Variants in CACNA1C observed in about 807,000 individuals in gnomAD.
CACNA1C encodes voltage-dependent L-type calcium channel subunit alpha-1C.
A neutral mutation model predicts 229.0 loss-of-function variants in CACNA1C; 30 were observed. The observed-to-expected ratio is 0.13, with a 90% confidence interval of 0.10 to 0.18. CACNA1C has a LOEUF of 0.18. Ranked by LOEUF, CACNA1C falls within the 10% of genes least tolerant of loss-of-function variation. The pLI is 1.00. For synonymous variants in CACNA1C, 1,114 were observed against 1,132.5 expected (o/e 0.98, Z 0.33); for missense variants, 1,658 against 2,845.0 (o/e 0.58, Z 9.49).
intron 3 of CACNA1C, among the ~76,000 whole-genome samples, chr12:2,207,830 A>G (rs2097794124): frequency 7.6e-6 from 1 of 132,310 alleles, no homozygotes; most frequent in Non-Finnish European, 1.7e-5. Context: ...CAAAAACAAA[A>G]CAAACAAAAA....
chr12:2,113,441 G>C (rs1182622026), intron 1 of CACNA1C, among the ~76,000 whole-genome samples: 1 of 152,178 alleles, frequency 6.6e-6, no homozygotes, highest in Non-Finnish European at 1.5e-5. Flanking sequence ...GTGTTCATCT[G>C]TGTCTTAACA....
At chr12:2,380,225 G>A (rs945479476) in intron 3 of CACNA1C, among the ~76,000 whole-genome samples, 19 of 152,188 alleles carry the variant, frequency 1.2e-4, no homozygotes, top group South Asian at 8.3e-4. Context: ...GACAGATGTC[G>A]TCCTGGTGTG....
chr12:2,304,234 G>A lies in CACNA1C; in HGVS notation c.478-144742G>A, dbSNP rs374489366. Reference sequence around the variant, plus strand: ...GATTCCAGTGGGCTGCCAGCCGGGCGTGTGTGTGAGGCGAGGTGGAGGGCT... The same window carrying A: ...GATTCCAGTGGGCTGCCAGCCGGGCATGTGTGTGAGGCGAGGTGGAGGGCT... On this transcript the variant is annotated intron_variant, in intron 3 of 46. Coordinates refer to ENST00000399655, the MANE Select transcript of CACNA1C (RefSeq NM_000719.7). Among the ~76,000 whole-genome samples the A allele has an allele frequency of 2.8e-3, 419 of 152,242 alleles. 1 individual carries two copies. Among genetic ancestry groups the A allele is most frequent in the African/African-American group, 9.7e-3 (401 of 41,554 alleles).
chr12:2,124,142 G>A (rs2154155233), intron 3 of CACNA1C, among the ~76,000 whole-genome samples: 1 of 134,266 alleles, frequency 7.4e-6, no homozygotes, highest in South Asian at 2.3e-4. Flanking sequence ...GTGTGTGTGT[G>A]TGTGTGTGCA....
At chr12:2,228,270 T>C (rs1286449688) in intron 3 of CACNA1C, among the ~76,000 whole-genome samples, 1 of 152,216 alleles carries the variant, frequency 6.6e-6, no homozygotes, top group Non-Finnish European at 1.5e-5. Context: ...TACTGTGTAT[T>C]AGGCCCTGTT....
Position 2,416,051 on chromosome 12 carries a change from C to G in CACNA1C, c.478-32925C>G, listed in dbSNP as rs182436099. Reference sequence around the variant, plus strand: ...AGGGTGTGGGGGCGGGACCTCTTCACGTGTATCCTCAAGCTGGTCCCTTCT... The same window carrying G: ...AGGGTGTGGGGGCGGGACCTCTTCAGGTGTATCCTCAAGCTGGTCCCTTCT... On this transcript the variant is annotated intron_variant, in intron 3 of 46. Transcript: ENST00000399655. 2.8e-3 allele frequency among the ~76,000 whole-genome samples: 423 copies of G among 152,262 alleles called. 5 individuals are homozygous for G. The highest frequency in any genetic ancestry group is 6.0e-3 in the African/African-American group (250 of 41,572).
chr12:2,142,180 C>G (rs1406637428), intron 3 of CACNA1C, among the ~76,000 whole-genome samples: 1 of 151,212 alleles, frequency 6.6e-6, no homozygotes, highest in African/African-American at 2.4e-5. Context: ...CACCATCTCC[C>G]AAGGACCGTG....
intron 1 of CACNA1C, among the ~76,000 whole-genome samples, chr12:2,080,696 G>A (rs2065252202): frequency 6.6e-6 from 1 of 151,946 alleles, no homozygotes; most frequent in South Asian, 2.1e-4. Flanking sequence ...TTTAAAAAGG[G>A]CCCAACTGTA....
chr12:2,489,516 G>A (rs556008154), intron 6 of CACNA1C, among the ~76,000 whole-genome samples: 1 of 152,122 alleles, frequency 6.6e-6, no homozygotes, highest in Non-Finnish European at 1.5e-5. Flanking sequence ...TTTTGTTTCC[G>A]GTTGTCCCAT....
intron 39 of CACNA1C, chr12:2,676,862 G>T: frequency 2.9e-6 from 1 of 344,240 alleles, no homozygotes; most frequent in East Asian, 4.7e-5. Context: ...CAAGAAACTA[G>T]ATGATCTACA....
intron 1 of CACNA1C, among the ~76,000 whole-genome samples, chr12:2,041,188 C>G (rs1422557003): frequency 6.6e-6 from 1 of 150,782 alleles, no homozygotes; most frequent in African/African-American, 2.4e-5. Context: ...TTGAGTGACT[C>G]TGTTGTGGAA....
chr12:2,678,397 C>G lies in CACNA1C; in HGVS notation c.5091+530C>G, dbSNP rs993363571. Among the ~76,000 whole-genome samples the G allele has an allele frequency of 3.9e-5, 6 of 152,180 alleles. No individual in the cohort carries two copies. The highest frequency in any genetic ancestry group is 1.4e-4 in the African/African-American group (6 of 41,442). ...ACCCCTCCAGAACTCCCCTTTCCCT[C>G]TCCTTTCCTGGAGACTGAAGCTGCC... is the stretch of plus-strand genomic sequence containing the variant. On this transcript the variant is annotated intron_variant, in intron 41 of 46. Coordinates refer to ENST00000399655, the MANE Select transcript of CACNA1C (RefSeq NM_000719.7). This position sits in a 1 kb window ranked among gnomAD's most constrained non-coding sequence, Gnocchi z 4.1.
At chr12:2,401,229 C>T (rs2098672831) in intron 3 of CACNA1C, among the ~76,000 whole-genome samples, 1 of 152,182 alleles carries the variant, frequency 6.6e-6, no homozygotes, top group Non-Finnish European at 1.5e-5. Flanking sequence ...GGGGTGGGAA[C>T]CTGTGTCCCC....
intron 2 of CACNA1C, among the ~76,000 whole-genome samples, chr12:2,119,663 G>C (rs2154145159): frequency 6.6e-6 from 1 of 152,322 alleles, no homozygotes; most frequent in South Asian, 2.1e-4. Context: ...GACCTCTGCA[G>C]ACCAGAGGGG....
intron 3 of CACNA1C, among the ~76,000 whole-genome samples, chr12:2,168,044 G>C (rs1267803094): frequency 6.6e-6 from 1 of 152,194 alleles, no homozygotes; most frequent in Non-Finnish European, 1.5e-5. Context: ...AGAACTGCAA[G>C]TAGGTCAGTT....
chr12:2,612,387 C>T (rs532764465), intron 29 of CACNA1C: 29 of 174,776 alleles, frequency 1.7e-4, no homozygotes, highest in South Asian at 7.9e-4. Context: ...CAAACCTCTC[C>T]AGGCCCAGCC....
At chr12:2,667,601 G>T (rs976325241) in intron 37 of CACNA1C, among the ~76,000 whole-genome samples, 7 of 152,166 alleles carry the variant, frequency 4.6e-5, no homozygotes, top group Admixed American at 4.6e-4. Flanking sequence ...TATCAGAAAA[G>T]AGCATAAAAT....
intron 28 of CACNA1C, among the ~76,000 whole-genome samples, chr12:2,611,652 G>A (rs1366887254): frequency 2.0e-5 from 3 of 152,100 alleles, no homozygotes; most frequent in African/African-American, 4.8e-5. Context: ...GAGTGCCAGA[G>A]TCTCCATAAA....
At chr12:2,558,814 G>A (rs2045945085) in intron 11 of CACNA1C, among the ~76,000 whole-genome samples, 1 of 152,112 alleles carries the variant, frequency 6.6e-6, no homozygotes, top group African/African-American at 2.4e-5. Context: ...CGTTTCACTA[G>A]GACTGGAAAA....
Sources: gnomAD v4.1 joint callset for allele counts (sites outside exome capture counted in the v4.1 genomes callset) on GRCh38, gnomAD v4.1.1 for gene constraint, Gnocchi (gnomAD v3.1) non-coding constraint, MANE v1.5 for transcripts, NCBI Gene and HGNC (gene_info 2026-07-23, HGNC 2026-07-21) for gene names.